The following HDAC8 variants were observed in gnomAD, a reference collection of about 807,000 sequenced individuals.
HDAC8 encodes histone deacetylase-like 1.
A neutral mutation model predicts 32.2 loss-of-function variants in HDAC8; 1 was observed. The ratio of observed to expected loss-of-function variants is 0.03; its 90% CI spans 0.01 to 0.15. HDAC8 has a LOEUF of 0.15. HDAC8 is among the 10% of genes least tolerant of loss of function. The pLI is 1.00. For missense variants in HDAC8, 117 were observed against 300.0 expected (o/e 0.39, Z 4.51); for synonymous variants, 108 against 113.9 (o/e 0.95, Z 0.33).
intron 4 of HDAC8, among the ~76,000 whole-genome samples, chrX:72,554,523 G>GAGCGCGGGC (rs1218258132): frequency 9.4e-6 from 1 of 106,188 alleles, no homozygotes; most frequent in Non-Finnish European, 2.0e-5. Context: ...GGAGGGCGGG[G>GAGCGCGGGC]AGCGCGGGGA....
At chrX:72,490,264 A>G (rs2048361208) in intron 6 of HDAC8, among the ~76,000 whole-genome samples, 1 of 110,971 alleles carries the variant, frequency 9.0e-6, no homozygotes, top group Non-Finnish European at 1.9e-5. Context: ...TATATACCCA[A>G]AGGACTATAA....
At chrX:72,342,682 C>G (rs1414076247) in intron 10 of HDAC8, among the ~76,000 whole-genome samples, 2 of 111,810 alleles carry the variant, frequency 1.8e-5, no homozygotes, top group Admixed American at 1.9e-4. Context: ...TAGAGGCCTC[C>G]AACTACTCTT....
intron 9 of HDAC8, among the ~76,000 whole-genome samples, chrX:72,453,041 A>G (rs2047612164): frequency 9.0e-6 from 1 of 111,107 alleles, no homozygotes; most frequent in African/African-American, 3.3e-5. Flanking sequence ...TGGAAATTTC[A>G]CTGGATGAGA....
intron 10 of HDAC8, among the ~76,000 whole-genome samples, chrX:72,349,710 C>T (rs1179580328): frequency 5.4e-5 from 6 of 111,710 alleles, no homozygotes; most frequent in Admixed American, 2.9e-4. Flanking sequence ...GTTCTCTTCC[C>T]TTTGCATTAC....
intron 10 of HDAC8, among the ~76,000 whole-genome samples, chrX:72,351,084 G>C (rs1403843277): frequency 9.0e-6 from 1 of 111,079 alleles, no homozygotes; most frequent in East Asian, 2.8e-4. Context: ...CCCCACCCCT[G>C]CTAAGTCTGA....
chrX:72,488,925 T>C lies in HDAC8; in HGVS notation c.737+8A>G, dbSNP rs782379356. ...TCCACTTATTACTGGCTAGTGTTAC[T>C]GCCATACCTTTCACAGATCTGGTAA... On this transcript the variant is annotated splice_region_variant and intron_variant, in intron 7 of 10. Coordinates refer to ENST00000373573, the MANE Select transcript of HDAC8 (RefSeq NM_018486.3). 2 of 1,099,372 alleles carry C rather than the reference T, an allele frequency of 1.8e-6. No individual in the cohort carries two copies. Among genetic ancestry groups the C allele is most frequent in the African/African-American group, 3.7e-5 (2 of 53,830 alleles). 90.6% of individuals were successfully genotyped at this position (1,099,372 alleles called of 1,213,427 possible).
At chrX:72,571,252 C>G (rs1031438702) in intron 2 of HDAC8, among the ~76,000 whole-genome samples, 47 of 111,726 alleles carry the variant, frequency 4.2e-4, no homozygotes, top group Admixed American at 5.7e-4. Context: ...TCTCCAGCCT[C>G]ACCCATTAAA....
intron 9 of HDAC8, among the ~76,000 whole-genome samples, chrX:72,452,160 G>A (rs1774442999): frequency 8.9e-6 from 1 of 112,720 alleles, no homozygotes; most frequent in African/African-American, 3.2e-5. Context: ...GGTGTTGTAA[G>A]ATGAACAATT....
chrX:72,560,859 G>T (rs892061579), intron 4 of HDAC8, among the ~76,000 whole-genome samples: 3 of 109,582 alleles, frequency 2.7e-5, no homozygotes, highest in Non-Finnish European at 5.7e-5. Flanking sequence ...ATTGATTTTT[G>T]AATGTTACAG....
In HDAC8 at chrX:72,341,991, G is replaced by A. The variant is rs139263957; in HGVS notation, c.1111+9742C>T. Among the ~76,000 whole-genome samples, 503 of 111,247 alleles carry A rather than the reference G, an allele frequency of 4.5e-3. 3 individuals are homozygous for A. The highest frequency in any genetic ancestry group is 0.015 in the African/African-American group (460 of 30,628). On this transcript the variant is annotated intron_variant, in intron 10 of 10. Coordinates refer to ENST00000373573, the MANE Select transcript of HDAC8 (RefSeq NM_018486.3). ...ATTCATGCACTCAATTATGCTCTTC[G>A]GGCACATTTAATCACTTTGATGTTT...
chrX:72,541,837 T>G (rs2050718306), intron 4 of HDAC8, among the ~76,000 whole-genome samples: 1 of 111,585 alleles, frequency 9.0e-6, no homozygotes. Flanking sequence ...GATTGCAAGT[T>G]CAGCTTTGGA....
chrX:72,464,672 G>A lies in HDAC8; in HGVS notation c.797C>T (p.Ala266Val). 8.3e-7 allele frequency: 1 copy of A among 1,206,325 alleles called. No homozygotes were observed. The highest frequency in any genetic ancestry group is 1.1e-6 in the Non-Finnish European group (1 of 890,514). ...CATGGGATCCCCAGCTATTGTGTCA[G>A]CTCCCAGCTGTAAGACCACTGCTTT... The part of the protein sequence containing the change: ...NPKAVVLQLG[A>V]DTIAGDPMCS... The change falls in exon 8 of 11, where the codon GCT becomes GTT. Residue 266 changes from alanine (A) to valine (V), a missense_variant. This residue lies in a region of HDAC8 where 57 missense variants were observed against 182.0 expected (regional missense o/e 0.31). Transcript: ENST00000373573.
At chrX:72,417,229 C>A in intron 9 of HDAC8, among the ~76,000 whole-genome samples, 1 of 111,277 alleles carries the variant, frequency 9.0e-6, no homozygotes. Flanking sequence ...GAAGTCCTAG[C>A]CAGAGCAATC....
At chrX:72,475,010 A>G (rs1366007396) in intron 7 of HDAC8, among the ~76,000 whole-genome samples, 1 of 111,372 alleles carries the variant, frequency 9.0e-6, no homozygotes, top group Admixed American at 9.5e-5. Context: ...AGTCACCCTT[A>G]ACCGATACTG....
chrX:72,432,258 G>A lies in HDAC8; in HGVS notation c.1005+29746C>T, dbSNP rs782759568. ...CAAAGTGTTGGGATTACAGGCATGA[G>A]CCACTATGCCTGGCTCAGAGTAGTT... On this transcript the variant is annotated intron_variant, in intron 9 of 10. Transcript: ENST00000373573. Among the ~76,000 whole-genome samples the A allele has an allele frequency of 3.6e-5, 4 of 111,180 alleles. No homozygotes were observed. In the South Asian group the frequency reaches 1.5e-3, roughly 42 times the overall value.
intron 10 of HDAC8, chrX:72,351,252 A>G: frequency 5.2e-6 from 1 of 192,839 alleles, no homozygotes; most frequent in South Asian, 6.8e-5. Context: ...GGCATATGCC[A>G]CTATGCCTGG....
intron 9 of HDAC8, among the ~76,000 whole-genome samples, chrX:72,422,125 G>C (rs140143355): frequency 0.028 from 3,164 of 111,176 alleles, 107 homozygotes; most frequent in African/African-American, 0.097. Context: ...AATGTCTCTT[G>C]ATGTGGGTCT....
At chrX:72,441,066 G>A (rs1482843626) in intron 9 of HDAC8, among the ~76,000 whole-genome samples, 1 of 113,161 alleles carries the variant, frequency 8.8e-6, no homozygotes, top group African/African-American at 3.2e-5. Flanking sequence ...CACAGCTCAA[G>A]GAGGCCTGCC....
intron 5 of HDAC8, among the ~76,000 whole-genome samples, chrX:72,492,147 T>G (rs908551284): frequency 8.9e-6 from 1 of 111,764 alleles, no homozygotes; most frequent in African/African-American, 3.3e-5. Flanking sequence ...AGAAATGAAG[T>G]CTTAAACAAG....
Sources: allele counts gnomAD v4.1 joint callset (sites outside exome capture counted in the v4.1 genomes callset), GRCh38; gene constraint gnomAD v4.1.1; regional missense constraint gnomAD v4.1.1; transcripts MANE v1.5; gene names NCBI Gene and HGNC (gene_info 2026-07-23, HGNC 2026-07-21).